DUOX1: variants seen among roughly 807,000 people sequenced by gnomAD.
DUOX1 encodes the protein NADPH thyroid oxidase 1.
A neutral mutation model predicts 181.8 loss-of-function variants in DUOX1; 134 were observed. The ratio of observed to expected loss-of-function variants is 0.74; its 90% CI spans 0.64 to 0.85. The LOEUF (loss-of-function observed/expected upper bound fraction) is 0.85, where lower values mean the gene tolerates loss of function less well. Ranked by LOEUF, DUOX1 falls within the 40% of genes least tolerant of loss-of-function variation. The probability of loss-of-function intolerance (pLI) is 0.00; values close to 1 mark genes in which losing one functional copy is unlikely to be tolerated. For synonymous variants in DUOX1, 798 were observed against 832.5 expected (o/e 0.96, Z 0.71); for missense variants, 1,814 against 2,064.4 (o/e 0.88, Z 2.35).
At position 45,155,862 on chromosome 15, in the gene DUOX1, A is replaced by C; in HGVS notation, c.3635A>C (p.His1212Pro). 6.2e-7 allele frequency: 1 copy of C among 1,613,752 alleles called. No homozygotes were observed. Among genetic ancestry groups the C allele is most frequent in the Non-Finnish European group, 8.5e-7 (1 of 1,179,944 alleles). ...ATCATGTATGTCTTTGCCTCCCACCACTTCCGCCGCCGCAGTTTCCGGGGC... is the reference window on the plus strand; with the variant it reads ...ATCATGTATGTCTTTGCCTCCCACCCCTTCCGCCGCCGCAGTTTCCGGGGC... ...LAIMYVFASH[H>P]FRRRSFRGFW... is the part of the protein sequence containing the mutation. Residue 1212 changes from histidine (H) to proline (P), a missense_variant, in exon 28 of 34, where the codon CAC becomes CCC. Around this residue, in one of 5 missense-constraint regions of DUOX1, gnomAD observed 279 missense variants for 381.9 expected, o/e 0.73. Coordinates refer to ENST00000389037, the MANE Select transcript of DUOX1 (RefSeq NM_175940.3).
chr15:45,152,642 G>T, intron 25 of DUOX1, 126 bp downstream of exon 25: 1 of 974,602 alleles, frequency 1.0e-6, no homozygotes, highest in Non-Finnish European at 1.6e-6. Context: ...GATGGAGTTG[G>T]CCTGGGCCAG....
chr15:45,163,965 G>A (rs762757906), intron 33 of DUOX1, 47 bp downstream of exon 33: 1 of 1,600,004 alleles, frequency 6.2e-7, no homozygotes, highest in South Asian at 1.1e-5. Flanking sequence ...ATCATTTGGG[G>A]TCTGAGCAAA....
rs752908172 is a variant in DUOX1 at position 45,162,266 on chromosome 15, G to T, written c.4137G>T (p.Lys1379Asn). Reference sequence around the variant, plus strand: ...GAGAGGGCCACCAGGAGTGGCATAAGTTTGAGGTGTCAGTGTTAGTGGGAG... The same window carrying T: ...GAGAGGGCCACCAGGAGTGGCATAATTTTGAGGTGTCAGTGTTAGTGGGAG... ...PFGEGHQEWHKFEVSVLVGGG... is the reference protein window; with the variant it reads ...PFGEGHQEWHNFEVSVLVGGG... The change falls in exon 31 of 34, where the codon AAG becomes AAT. Residue 1379 changes from lysine (K) to asparagine (N), a missense_variant. By Grantham distance (94) the Lys-to-Asn change is moderately conservative (BLOSUM62 0). This residue lies in a region of DUOX1 where 279 missense variants were observed against 381.9 expected (regional missense o/e 0.73). Transcript: ENST00000389037. 1 of 1,613,288 alleles carries T rather than the reference G, an allele frequency of 6.2e-7. No homozygotes were observed. Among genetic ancestry groups the T allele is most frequent in the South Asian group, 1.1e-5 (1 of 90,878 alleles).
intron 13 of DUOX1, 54 bp from the exon 14 acceptor site, chr15:45,141,238 C>T: frequency 2.5e-6 from 4 of 1,599,986 alleles, no homozygotes; most frequent in Middle Eastern, 1.9e-4. Flanking sequence ...CCTGGGGTTG[C>T]TGGAGGCCTG....
At chr15:45,155,742 C>T in intron 27 of DUOX1, 60 bp from the exon 28 acceptor site, 1 of 1,610,588 alleles carries the variant, frequency 6.2e-7, no homozygotes, top group Non-Finnish European at 8.5e-7. Context: ...TTGGAAGCTC[C>T]AGAACAGTTC....
rs561815012 is a variant in DUOX1, at chr15:45,144,321, A to G, written c.2136+86A>G. The G allele has an allele frequency of 1.2e-4, 168 of 1,425,370 alleles. No individual in the cohort carries two copies. The Middle Eastern group carries it at 1.5e-3, about 13-fold the overall frequency. 88.3% of individuals were successfully genotyped at this position (1,425,370 alleles called of 1,614,324 possible). A position where few individuals can be genotyped will look rare whatever the true frequency, so the allele number is the denominator to read the frequency against. The stretch of plus-strand genomic sequence containing the variant: ...GGAGGGGAAGAAGCATGGGGTCAGG[A>G]GGCAGGAAATGATAGTTACTGTGCA... On this transcript the variant is annotated intron_variant, in intron 17 of 33. Transcript: ENST00000389037.
chr15:45,143,053 C>A, intron 15 of DUOX1, 137 bp from the exon 16 acceptor site: 1 of 661,024 alleles, frequency 1.5e-6, no homozygotes, highest in Admixed American at 2.7e-5. Context: ...GGGACCTTCC[C>A]AATCTGAAAC....
At chr15:45,150,952 G>A (rs918030799) in intron 22 of DUOX1, among the ~76,000 whole-genome samples, 171 bp from the exon 23 acceptor site, 3 of 152,178 alleles carry the variant, frequency 2.0e-5, no homozygotes, top group Admixed American at 6.5e-5. Context: ...CAGCCTTAGC[G>A]AGGACCCCCA....
intron 3 of DUOX1, 38 bp downstream of exon 3, chr15:45,133,985 A>AG: frequency 6.2e-7 from 1 of 1,604,584 alleles, no homozygotes; most frequent in Non-Finnish European, 8.5e-7. Flanking sequence ...CCCCAGGGCC[A>AG]GGGGGGTACT....
intron 25 of DUOX1, 146 bp downstream of exon 25, chr15:45,152,662 T>C (rs1896848286): frequency 2.5e-6 from 2 of 799,258 alleles, no homozygotes; most frequent in Non-Finnish European, 4.0e-6. Flanking sequence ...GGGTGTGAAG[T>C]AAGCCCGGGA....
In DUOX1 at chr15:45,135,579, C is replaced by T. The variant is rs1358384545; in HGVS notation, c.601C>T (p.Pro201Ser). 1.3e-6 allele frequency: 2 copies of T among 1,561,470 alleles called. No homozygotes were observed. The highest frequency in any genetic ancestry group is 2.3e-5 in the South Asian group (2 of 85,218). Residue 201 changes from proline to serine, a missense_variant, in exon 6 of 34, where the codon CCC (proline) becomes TCC (serine). By Grantham distance (74) the Pro-to-Ser change is moderately conservative. This residue lies in a region of DUOX1 where 320 missense variants were observed against 313.1 expected (regional missense o/e 1.02). Coordinates refer to ENST00000389037, the MANE Select transcript of DUOX1 (RefSeq NM_175940.3). ...SFSRGQLASG[P>S]DPAFPRDSQN... is the part of the protein sequence containing the mutation. Reference sequence around the variant, plus strand: ...CTCCAGGGGACAGCTGGCGTCGGGGCCCGACCCCGCTTTTCCCCGAGACTC... The same window carrying T: ...CTCCAGGGGACAGCTGGCGTCGGGGTCCGACCCCGCTTTTCCCCGAGACTC...
At chr15:45,156,928 T>C (rs1368997725) in intron 28 of DUOX1, among the ~76,000 whole-genome samples, 2 of 152,194 alleles carry the variant, frequency 1.3e-5, no homozygotes, top group Non-Finnish European at 2.9e-5. Flanking sequence ...GCCTTCCTCA[T>C]GAGCAGAGGC....
At chr15:45,160,707 G>T in intron 28 of DUOX1, 130 bp from the exon 29 acceptor site, 1 of 1,051,324 alleles carries the variant, frequency 9.5e-7, no homozygotes. Context: ...AACCTAGAAG[G>T]AGCATGGTAC....
At position 45,140,960 on chromosome 15, in the gene DUOX1, A is replaced by G; in HGVS notation, c.1455A>G (p.Gly485=). Residue 485 remains glycine (G), a synonymous_variant, in exon 13 of 34, where the codon GGA becomes GGG. Coordinates refer to ENST00000389037, the MANE Select transcript of DUOX1 (RefSeq NM_175940.3). The stretch of plus-strand genomic sequence containing the variant: ...CCTGGCTAGAGCTGCTCCCTGGGGG[A>G]CTCCTGGAGAGCCACCGGGACCCTG... ...DLSWLELLPG[G]LLESHRDPGP... is the part of the protein sequence containing the mutation. 1 of 1,613,642 alleles carries G rather than the reference A, an allele frequency of 6.2e-7. No individual in the cohort carries two copies. Among genetic ancestry groups the G allele is most frequent in the Non-Finnish European group, 8.5e-7 (1 of 1,179,922 alleles).
At chr15:45,158,407 C>A (rs1897014840) in intron 28 of DUOX1, among the ~76,000 whole-genome samples, 1 of 152,060 alleles carries the variant, frequency 6.6e-6, no homozygotes, top group South Asian at 2.1e-4. Flanking sequence ...AACCAGAGTT[C>A]AGTTTAAAAG....
At chr15:45,150,592 T>C in intron 21 of DUOX1, 40 bp from the exon 22 acceptor site, 1 of 1,602,226 alleles carries the variant, frequency 6.2e-7, no homozygotes, top group Non-Finnish European at 8.5e-7. Context: ...TCCTGGGCTC[T>C]GGACCCTGAG....
At position 45,162,058 on chromosome 15, in the gene DUOX1, C is replaced by T. The variant is rs1354008158; in HGVS notation, c.4089+88C>T. On this transcript the variant is annotated intron_variant, in intron 30 of 33. Coordinates refer to ENST00000389037, the MANE Select transcript of DUOX1 (RefSeq NM_175940.3). Reference sequence around the variant, plus strand: ...CAGCACTAGACTCCCCGCTCTGTGCCTCCCCTCTCTGCATCTAGAGACTGG... The same window carrying T: ...CAGCACTAGACTCCCCGCTCTGTGCTTCCCCTCTCTGCATCTAGAGACTGG... The T allele has an allele frequency of 9.6e-6, 14 of 1,460,248 alleles. No homozygotes were observed. The Admixed American group carries it at 2.4e-4, about 25-fold the overall frequency. 90.5% of individuals were successfully genotyped at this position (1,460,248 alleles called of 1,614,324 possible).
chr15:45,132,108 G>A (rs1896173724), intron 2 of DUOX1, 84 bp downstream of exon 2: 2 of 1,230,426 alleles, frequency 1.6e-6, no homozygotes, highest in South Asian at 1.5e-5. Context: ...GGATCCATTT[G>A]ATATTCATCT....
Position 45,147,556 on chromosome 15 carries a change from C to A in DUOX1, c.2446C>A (p.Gln816Lys). ...TGCCGAGTCCCTGGGCCTCAAGCCCCAGGACATGTTTGTGGAGTCCATGTT... is the reference window on the plus strand; with the variant it reads ...TGCCGAGTCCCTGGGCCTCAAGCCCAAGGACATGTTTGTGGAGTCCATGTT... ...EFAESLGLKP[Q>K]DMFVESMFSL... The change falls in exon 19 of 34, where the codon CAG (glutamine) becomes AAG (lysine). Residue 816 changes from glutamine to lysine, a missense_variant. This residue lies in a region of DUOX1 where 1,064 missense variants were observed against 1,152.9 expected (regional missense o/e 0.92). Transcript: ENST00000389037. 6.2e-7 allele frequency: 1 copy of A among 1,614,090 alleles called. No homozygotes were observed.
Sources: gnomAD v4.1 joint callset for allele counts (sites outside exome capture counted in the v4.1 genomes callset) on GRCh38, gnomAD v4.1.1 for gene constraint, gnomAD v4.1.1 regional missense constraint, MANE v1.5 for transcripts, NCBI Gene and HGNC (gene_info 2026-07-23, HGNC 2026-07-21) for gene names.